The following ATXN2 variants were observed in gnomAD, a reference collection of about 807,000 sequenced individuals.
The protein encoded by ATXN2 is ataxin 2.
Under a neutral mutation model 138.6 loss-of-function variants are expected in ATXN2, and 37 were observed. The ratio of observed to expected loss-of-function variants is 0.27; its 90% CI spans 0.21 to 0.35. ATXN2 has a LOEUF of 0.35. Among genes scored for constraint, ATXN2 ranks in the 10% least tolerant of loss-of-function variants. The probability of loss-of-function intolerance (pLI) is 1.00; values close to 1 mark genes in which losing one functional copy is unlikely to be tolerated. For missense variants in ATXN2, 1,216 were observed against 1,480.3 expected, an observed-to-expected ratio of 0.82 and a Z score of 2.93; for synonymous variants, 549 against 543.7, an observed-to-expected ratio of 1.01 and a Z score of -0.13.
chr12:111,578,443 A>G (rs888728375), intron 1 of ATXN2, among the ~76,000 whole-genome samples: 1 of 152,130 alleles, frequency 6.6e-6, no homozygotes, highest in African/African-American at 2.4e-5. Context: ...TTAGATTCAC[A>G]AATACTTAAC....
chr12:111,484,717 T>TA (rs1302395522), intron 18 of ATXN2, among the ~76,000 whole-genome samples: 3 of 151,714 alleles, frequency 2.0e-5, no homozygotes, highest in African/African-American at 7.3e-5. Context: ...ATTACAGGCA[T>TA]AAGCCACCAT....
intron 1 of ATXN2, among the ~76,000 whole-genome samples, chr12:111,594,257 T>C (rs1220618974): frequency 6.6e-6 from 1 of 152,198 alleles, no homozygotes; most frequent in African/African-American, 2.4e-5. Flanking sequence ...TAGGCCCTTC[T>C]ACAAGATATT....
At chr12:111,575,757 C>G (rs149812317) in intron 1 of ATXN2, among the ~76,000 whole-genome samples, 226 of 152,256 alleles carry the variant, frequency 1.5e-3, no homozygotes, top group African/African-American at 5.3e-3. Flanking sequence ...ATGCTTTCTA[C>G]ATGACAGGGT....
intron 1 of ATXN2, among the ~76,000 whole-genome samples, chr12:111,592,366 G>C (rs1226571220): frequency 6.6e-6 from 1 of 152,026 alleles, no homozygotes; most frequent in African/African-American, 2.4e-5. Context: ...ACTCCAGCCT[G>C]GGCGACAGAG....
intron 5 of ATXN2, among the ~76,000 whole-genome samples, chr12:111,532,853 GA>G (rs33992543): frequency 0.024 from 2,934 of 121,706 alleles, 104 homozygotes; most frequent in South Asian, 0.19. Flanking sequence ...TAGGTTTAAG[GA>G]AAAAAAAAAA....
rs1213270912 is a variant in ATXN2, at chr12:111,520,872, T to C, written c.788+10A>G. 9 of 1,501,564 alleles carry C rather than the reference T, an allele frequency of 6.0e-6. No homozygotes were observed. The highest frequency in any genetic ancestry group is 1.4e-5 in the African/African-American group (1 of 70,622). 93.0% of individuals were successfully genotyped at this position (1,501,564 alleles called of 1,614,324 possible). ...ATGCACTAAAATAAAAACAAACTTTTCAAACTTACGTATACGAAGATAAAC... is the reference window on the plus strand; with the variant it reads ...ATGCACTAAAATAAAAACAAACTTTCCAAACTTACGTATACGAAGATAAAC... On this transcript the variant is annotated intron_variant, in intron 7 of 24. Coordinates refer to ENST00000673436, the MANE Select transcript of ATXN2 (RefSeq NM_001372574.1).
At chr12:111,532,800 A>G (rs1489832266) in intron 5 of ATXN2, among the ~76,000 whole-genome samples, 1 of 151,704 alleles carries the variant, frequency 6.6e-6, no homozygotes, top group Non-Finnish European at 1.5e-5. Context: ...AATAAAGCAA[A>G]TAGGTGAGGG....
At chr12:111,579,192 AT>A (rs1476420747) in intron 1 of ATXN2, among the ~76,000 whole-genome samples, 1 of 152,230 alleles carries the variant, frequency 6.6e-6, no homozygotes, top group African/African-American at 2.4e-5. Flanking sequence ...TCTCATTTCT[AT>A]GCATTCCAAC....
intron 1 of ATXN2, among the ~76,000 whole-genome samples, chr12:111,580,736 G>A (rs555651836): frequency 6.8e-6 from 1 of 146,952 alleles, no homozygotes; most frequent in Non-Finnish European, 1.5e-5. Flanking sequence ...GACAGAGAAA[G>A]AAAAAGAAAG....
At chr12:111,486,922 T>C in intron 15 of ATXN2, 98 bp from the exon 16 acceptor site, 1 of 960,282 alleles carries the variant, frequency 1.0e-6, no homozygotes, top group Non-Finnish European at 1.6e-6. Flanking sequence ...TAAATATAGA[T>C]TTAAACTGTT....
intron 1 of ATXN2, among the ~76,000 whole-genome samples, chr12:111,592,805 G>T (rs191627513): frequency 8.9e-5 from 5 of 56,068 alleles, no homozygotes; most frequent in South Asian, 5.8e-4. Context: ...AAAAAAAAAA[G>T]ATAATAGGTG....
chr12:111,523,247 A>G (rs1566041442), intron 6 of ATXN2, among the ~76,000 whole-genome samples: 1 of 152,060 alleles, frequency 6.6e-6, no homozygotes, highest in African/African-American at 2.4e-5. Flanking sequence ...GAAAAAAAAA[A>G]GCAAATAGGA....
At chr12:111,558,952 T>TA (rs11439568) in intron 1 of ATXN2, among the ~76,000 whole-genome samples, 126,079 of 141,486 alleles carry the variant, frequency 0.89, 57,748 homozygotes, top group East Asian at 0.99. Flanking sequence ...CAATTTCCCT[T>TA]AAAAAAAAAA....
At chr12:111,455,251 G>C (rs1874990710) in intron 23 of ATXN2, 1 of 651,152 alleles carries the variant, frequency 1.5e-6, no homozygotes, top group East Asian at 2.8e-5. Flanking sequence ...GGGCCTCAAG[G>C]CCAGCGTTAG....
intron 14 of ATXN2, among the ~76,000 whole-genome samples, chr12:111,508,674 T>C (rs1388307265): frequency 1.3e-5 from 2 of 152,068 alleles, no homozygotes; most frequent in South Asian, 2.1e-4. Flanking sequence ...CTCGAACTCC[T>C]GACCTTAGGT....
chr12:111,574,012 G>A (rs1416282094), intron 1 of ATXN2, among the ~76,000 whole-genome samples: 1 of 151,272 alleles, frequency 6.6e-6, no homozygotes, highest in African/African-American at 2.4e-5. Flanking sequence ...ATTTTAGATT[G>A]GGTTAAAAAG....
At chr12:111,458,497 G>A (rs1875300676) in intron 21 of ATXN2, 1 of 152,098 alleles carries the variant, frequency 6.6e-6, no homozygotes, top group Non-Finnish European at 1.5e-5. Context: ...TGCTTCCAGT[G>A]ACTATGGACA....
intron 10 of ATXN2, 131 bp from the exon 11 acceptor site, chr12:111,513,670 T>TA: frequency 5.4e-6 from 4 of 745,106 alleles, no homozygotes; most frequent in South Asian, 5.8e-5. Context: ...TGGTTAAAAA[T>TA]AGAAAAAAAA....
intron 5 of ATXN2, among the ~76,000 whole-genome samples, chr12:111,531,810 C>G (rs191335859): frequency 1.3e-5 from 2 of 152,228 alleles, no homozygotes; most frequent in South Asian, 2.1e-4. Flanking sequence ...GGATTCTTAG[C>G]CTTTTTCTTA....
Sources: allele counts gnomAD v4.1 joint callset (sites outside exome capture counted in the v4.1 genomes callset), GRCh38; gene constraint gnomAD v4.1.1; transcripts MANE v1.5; gene names NCBI Gene and HGNC (gene_info 2026-07-23, HGNC 2026-07-21).